SPTBN4: variants seen among roughly 807,000 people sequenced by gnomAD.
The protein encoded by SPTBN4 is spectrin beta, non-erythrocytic 4, also known as spectrin beta chain, non-erythrocytic 4.
A neutral mutation model predicts 277.8 loss-of-function variants in SPTBN4; 96 were observed. That is an observed-to-expected ratio of 0.35 (90% CI 0.29 to 0.41). The LOEUF is 0.41. Among genes scored for constraint, SPTBN4 ranks in the 10% least tolerant of loss-of-function variants. The pLI is 1.00. For synonymous variants in SPTBN4, 1,481 were observed against 1,580.3 expected (o/e 0.94, Z 1.49); for missense variants, 3,006 against 3,595.7 (o/e 0.84, Z 4.19).
At chr19:40,498,421 T>TTTA (rs1568777325) in intron 7 of SPTBN4, among the ~76,000 whole-genome samples, 90 of 120,916 alleles carry the variant, frequency 7.4e-4, no homozygotes, top group Non-Finnish European at 1.1e-3. Flanking sequence ...TTATTTATTT[T>TTTA]TTTAGATGGA....
chr19:40,540,834 AAAAAAAG>A (rs1408876134), intron 20 of SPTBN4, among the ~76,000 whole-genome samples: 9 of 151,446 alleles, frequency 5.9e-5, no homozygotes, highest in African/African-American at 2.2e-4. Context: ...AAAAAAAAAA[AAAAAAAG>A]AAAAGTAATT....
At chr19:40,507,822 G>A (rs981630760) in intron 13 of SPTBN4, among the ~76,000 whole-genome samples, 33 of 152,168 alleles carry the variant, frequency 2.2e-4, no homozygotes, top group African/African-American at 7.7e-4. Context: ...AGGTGACAGA[G>A]CGAGACTCCT....
Position 40,570,745 on chromosome 19 carries a change from G to C in SPTBN4, c.7319+17G>C. The C allele has an allele frequency of 6.2e-7, 1 of 1,600,388 alleles. No individual in the cohort carries two copies. The highest frequency in any genetic ancestry group is 2.3e-5 in the East Asian group (1 of 44,084). ...GTCCAACCGGTGAGCGTGTGGGCGGGGCTTTGGAAGGCGGGTCTCAGGCTC... is the reference window on the plus strand; with the variant it reads ...GTCCAACCGGTGAGCGTGTGGGCGGCGCTTTGGAAGGCGGGTCTCAGGCTC... On this transcript the variant is annotated intron_variant, in intron 33 of 35. Coordinates refer to ENST00000598249, the MANE Select transcript of SPTBN4 (RefSeq NM_020971.3).
Position 40,568,049 on chromosome 19 carries a change from G to A in SPTBN4, c.6723G>A (p.Glu2241=), listed in dbSNP as rs2081114005. 3.2e-6 allele frequency: 5 copies of A among 1,554,852 alleles called. No individual in the cohort carries two copies. Among genetic ancestry groups the A allele is most frequent in the Non-Finnish European group, 4.3e-6 (5 of 1,150,348 alleles). Residue 2241 remains glutamate, a synonymous_variant, in exon 31 of 36, where the codon GAG becomes GAA. Coordinates refer to ENST00000598249, the MANE Select transcript of SPTBN4 (RefSeq NM_020971.3). ...GCCAGGAGTCAGCTGATCGCGCGGA[G>A]GAGCTGCCCAGGAGGCGGCGGCCTG... is the stretch of plus-strand genomic sequence containing the variant. ...PERQESADRA[E]ELPRRRRPER...
intron 2 of SPTBN4, among the ~76,000 whole-genome samples, chr19:40,484,857 G>A (rs1052798130): frequency 9.9e-5 from 15 of 152,042 alleles, no homozygotes; most frequent in Admixed American, 7.9e-4. Flanking sequence ...GCGTGAACCC[G>A]GGAGGCAAAG....
At chr19:40,539,458 C>A (rs1464031303) in intron 20 of SPTBN4, among the ~76,000 whole-genome samples, 1 of 152,270 alleles carries the variant, frequency 6.6e-6, no homozygotes, top group Admixed American at 6.5e-5. Flanking sequence ...AAGGAGGTTA[C>A]TTTTCTCTCC....
chr19:40,495,807 A>G (rs1289647009), intron 6 of SPTBN4, among the ~76,000 whole-genome samples: 1 of 152,180 alleles, frequency 6.6e-6, no homozygotes, highest in Non-Finnish European at 1.5e-5. Context: ...GACACACATC[A>G]TGATCATTCG....
intron 20 of SPTBN4, among the ~76,000 whole-genome samples, chr19:40,544,206 G>A (rs1285848844): frequency 7.4e-5 from 11 of 149,544 alleles, no homozygotes; most frequent in Admixed American, 6.7e-5. Flanking sequence ...GCAATGGCGC[G>A]ATCTCAGCTC....
intron 20 of SPTBN4, among the ~76,000 whole-genome samples, chr19:40,539,138 T>C (rs1301381611): frequency 6.6e-6 from 1 of 152,184 alleles, no homozygotes; most frequent in Non-Finnish European, 1.5e-5. Flanking sequence ...CCCCAGCCTA[T>C]TGCTAGGATT....
rs1313080193 is a variant in SPTBN4 at position 40,575,531 on chromosome 19, G to A, written c.7657G>A (p.Glu2553Lys). Residue 2553 changes from glutamate to lysine, a missense_variant, in exon 36 of 36, where the codon GAA (glutamate) becomes AAA (lysine). Around this residue, in one of 5 missense-constraint regions of SPTBN4, gnomAD observed 630 missense variants for 677.6 expected, o/e 0.93. Coordinates refer to ENST00000598249, the MANE Select transcript of SPTBN4 (RefSeq NM_020971.3). ...SSTDEGNPKREGGDRRASGRR... is the reference protein window; with the variant it reads ...SSTDEGNPKRKGGDRRASGRR... ...CACAGATGAGGGCAACCCTAAGAGGGAAGGCGGAGATCGCAGGGCCAGCGG... is the reference window on the plus strand; with the variant it reads ...CACAGATGAGGGCAACCCTAAGAGGAAAGGCGGAGATCGCAGGGCCAGCGG... The A allele has an allele frequency of 1.9e-6, 3 of 1,612,858 alleles. No homozygotes were observed. The highest frequency in any genetic ancestry group is 2.5e-6 in the Non-Finnish European group (3 of 1,179,750).
chr19:40,483,879 G>A (rs1421782488), intron 2 of SPTBN4, among the ~76,000 whole-genome samples: 3 of 152,066 alleles, frequency 2.0e-5, no homozygotes, highest in Non-Finnish European at 2.9e-5. Context: ...CTCCCCTCTC[G>A]GGACCCCGGT....
intron 15 of SPTBN4, among the ~76,000 whole-genome samples, chr19:40,518,323 T>TA (rs1245913522): frequency 5.3e-5 from 8 of 152,006 alleles, no homozygotes; most frequent in African/African-American, 1.9e-4. Flanking sequence ...AAACAAAATT[T>TA]AAAAAACCCA....
At chr19:40,529,015 C>G (rs2080628894) in intron 17 of SPTBN4, 26 bp from the exon 18 acceptor site, 1 of 1,606,468 alleles carries the variant, frequency 6.2e-7, no homozygotes, top group East Asian at 2.2e-5. Flanking sequence ...GGGGCCTTTC[C>G]CCAGCCCTTA....
chr19:40,552,455 C>CAAAAAAAAA (rs33935362), intron 22 of SPTBN4, among the ~76,000 whole-genome samples: 2 of 75,926 alleles, frequency 2.6e-5, no homozygotes, highest in African/African-American at 1.0e-4. Context: ...GACTCCGTCT[C>CAAAAAAAAA]AAAAAAAAAA....
chr19:40,478,609 G>A (rs764137540), intron 2 of SPTBN4, among the ~76,000 whole-genome samples: 2 of 151,484 alleles, frequency 1.3e-5, no homozygotes, highest in South Asian at 2.1e-4. Context: ...GCAATGGCAC[G>A]ATCTTGGCTT....
At chr19:40,564,616 T>C (rs924021836) in intron 27 of SPTBN4, among the ~76,000 whole-genome samples, 1 of 152,088 alleles carries the variant, frequency 6.6e-6, no homozygotes, top group Non-Finnish European at 1.5e-5. Flanking sequence ...GGCAGGTGGA[T>C]TGCTTGAGCC....
chr19:40,568,965 A>G (rs1299633573), intron 31 of SPTBN4, among the ~76,000 whole-genome samples: 1 of 152,178 alleles, frequency 6.6e-6, no homozygotes, highest in African/African-American at 2.4e-5. Flanking sequence ...TGACTGAACC[A>G]GTCCCATCCC....
intron 5 of SPTBN4, among the ~76,000 whole-genome samples, 198 bp downstream of exon 5, chr19:40,493,252 C>A: frequency 6.6e-6 from 1 of 152,116 alleles, no homozygotes; most frequent in East Asian, 1.9e-4. Flanking sequence ...TGCTAGAAGG[C>A]CAGGTTCAAA....
In SPTBN4 at chr19:40,519,450, G is replaced by T. The variant is rs766823771; in HGVS notation, c.2953G>T (p.Ala985Ser). 1.2e-6 allele frequency: 2 copies of T among 1,603,996 alleles called. No individual in the cohort carries two copies. Among genetic ancestry groups the T allele is most frequent in the African/African-American group, 1.4e-5 (1 of 73,954 alleles). The change falls in exon 16 of 36, where the codon GCG becomes TCG. Residue 985 changes from alanine (A) to serine (S), a missense_variant. This residue lies in a region of SPTBN4 where 1,759 missense variants were observed against 2,061.5 expected (regional missense o/e 0.85). Coordinates refer to ENST00000598249, the MANE Select transcript of SPTBN4 (RefSeq NM_020971.3). This position sits in a 1 kb window ranked among gnomAD's most constrained non-coding sequence, Gnocchi z 5.7. The stretch of plus-strand genomic sequence containing the variant: ...GGAACAGCGCAAAGAGGAAATGAGC[G>T]CGGTGCTGCTGGTGGAGAACCACGT... ...LVEQRKEEMS[A>S]VLLVENHVLE...
Sources: gnomAD v4.1 joint callset for allele counts (sites outside exome capture counted in the v4.1 genomes callset) on GRCh38, gnomAD v4.1.1 for gene constraint, gnomAD v4.1.1 regional missense constraint, Gnocchi (gnomAD v3.1) non-coding constraint, MANE v1.5 for transcripts, NCBI Gene and HGNC (gene_info 2026-07-23, HGNC 2026-07-21) for gene names.